The following CDH18 variants were observed in gnomAD, a reference collection of about 807,000 sequenced individuals.
CDH18 encodes cadherin-18.
A neutral mutation model predicts 67.9 loss-of-function variants in CDH18; 31 were observed. That is an observed-to-expected ratio of 0.46 (90% confidence interval 0.34 to 0.62). The LOEUF is 0.62. Ranked by LOEUF, CDH18 falls within the 20% of genes least tolerant of loss-of-function variation. The pLI, the probability that CDH18 is intolerant of heterozygous loss-of-function variation, is 0.01. For missense variants in CDH18, 890 were observed against 975.5 expected, an observed-to-expected ratio of 0.91 and a Z score of 1.17; for synonymous variants, 362 against 347.2, an observed-to-expected ratio of 1.04 and a Z score of -0.48.
rs747677549 is a variant in CDH18, at chr5:19,571,751, A to C, written c.1081T>G (p.Leu361Val). The C allele has an allele frequency of 5.9e-5, 96 of 1,613,864 alleles. No homozygotes were observed. Among genetic ancestry groups the C allele is most frequent in the Non-Finnish European group, 7.5e-5 (88 of 1,179,904 alleles). ...ATAGTAGCATCTTTAAAAGGACCCAAGTGAGAAAAGCGAAAATCAAGATGT... is the reference window on the plus strand; with the variant it reads ...ATAGTAGCATCTTTAAAAGGACCCACGTGAGAAAAGCGAAAATCAAGATGT... ...NTHLDFRFSH[L>V]GPFKDATMLK... The change falls in exon 8 of 13, where the codon TTG (leucine) becomes GTG (valine). Residue 361 changes from leucine (L) to valine (V), a missense_variant. By Grantham distance (32) the Leu-to-Val change is conservative. Coordinates refer to ENST00000382275, the MANE Select transcript of CDH18 (RefSeq NM_004934.5).
intron 1 of CDH18, among the ~76,000 whole-genome samples, chr5:20,526,152 G>A (rs1756043175): frequency 6.6e-6 from 1 of 152,078 alleles, no homozygotes; most frequent in African/African-American, 2.4e-5. Context: ...GGCAGATCGT[G>A]GCCAGACTCT....
At chr5:20,433,342 T>C (rs1341391978) in intron 1 of CDH18, among the ~76,000 whole-genome samples, 1 of 152,070 alleles carries the variant, frequency 6.6e-6, no homozygotes, top group Non-Finnish European at 1.5e-5. Flanking sequence ...ATCCAACTAC[T>C]GAATTTTTAT....
chr5:20,115,109 G>T (rs1384324480), intron 2 of CDH18, among the ~76,000 whole-genome samples: 1 of 151,768 alleles, frequency 6.6e-6, no homozygotes, highest in Non-Finnish European at 1.5e-5. Context: ...CAAGATCAAG[G>T]TGCTAGCCAA....
chr5:19,992,897 G>C (rs1016418079), upstream of CDH18, among the ~76,000 whole-genome samples: 9 of 152,102 alleles, frequency 5.9e-5, no homozygotes, highest in African/African-American at 2.2e-4. Flanking sequence ...ACAACTTTTG[G>C]GTGTTGCTAC....
intron 6 of CDH18, among the ~76,000 whole-genome samples, chr5:19,608,716 C>T (rs2150095454): frequency 6.6e-6 from 1 of 151,864 alleles, no homozygotes; most frequent in African/African-American, 2.4e-5. Flanking sequence ...TGGCAATTTA[C>T]TATCATTTAA....
chr5:19,547,765 A>T (rs566124443), intron 8 of CDH18, among the ~76,000 whole-genome samples: 28 of 152,274 alleles, frequency 1.8e-4, no homozygotes, highest in African/African-American at 6.7e-4. Flanking sequence ...CTCTCTAGGG[A>T]AATCAACATC....
chr5:20,375,834 G>A (rs1385324699), intron 1 of CDH18, among the ~76,000 whole-genome samples: 1 of 151,996 alleles, frequency 6.6e-6, no homozygotes, highest in African/African-American at 2.4e-5. Flanking sequence ...TGAGATTCAA[G>A]TACTCACTCG....
At chr5:19,514,019 C>T (rs976236640) in intron 10 of CDH18, among the ~76,000 whole-genome samples, 1 of 152,068 alleles carries the variant, frequency 6.6e-6, no homozygotes, top group Non-Finnish European at 1.5e-5. Flanking sequence ...ATGACAGGCC[C>T]CAGCGTGTGA....
chr5:19,490,181 G>A (rs1741171003), intron 11 of CDH18, among the ~76,000 whole-genome samples: 2 of 151,724 alleles, frequency 1.3e-5, no homozygotes, highest in South Asian at 4.2e-4. Context: ...GTTTTAACAA[G>A]TGAATGTATA....
At chr5:20,210,644 T>C (rs1740283531) in intron 2 of CDH18, among the ~76,000 whole-genome samples, 1 of 151,948 alleles carries the variant, frequency 6.6e-6, no homozygotes. Context: ...TTGGATTTTA[T>C]TTTATATCCG....
intron 1 of CDH18, among the ~76,000 whole-genome samples, chr5:20,535,859 A>T (rs1407763465): frequency 6.6e-6 from 1 of 152,084 alleles, no homozygotes; most frequent in African/African-American, 2.4e-5. Flanking sequence ...TTCATCCTGT[A>T]AATTTTAATC....
chr5:19,513,982 G>T, intron 10 of CDH18, among the ~76,000 whole-genome samples: 1 of 152,018 alleles, frequency 6.6e-6, no homozygotes, highest in Middle Eastern at 3.2e-3. Context: ...TTCTCTTAAT[G>T]CTATCCCTCC....
chr5:19,968,203 A>C (rs1386910222), intron 2 of CDH18, among the ~76,000 whole-genome samples: 1 of 152,164 alleles, frequency 6.6e-6, no homozygotes, highest in African/African-American at 2.4e-5. Flanking sequence ...GACACAAACA[A>C]ATGGAAAAAC....
chr5:19,743,718 C>G (rs574165220), intron 4 of CDH18, among the ~76,000 whole-genome samples: 1 of 152,152 alleles, frequency 6.6e-6, no homozygotes, highest in South Asian at 2.1e-4. Flanking sequence ...ACCAAGAGTT[C>G]AAGACCAGCC....
intron 1 of CDH18, among the ~76,000 whole-genome samples, chr5:20,337,187 A>G (rs922084942): frequency 1.3e-5 from 2 of 152,178 alleles, no homozygotes; most frequent in Admixed American, 6.5e-5. Flanking sequence ...GGTCTCTGCC[A>G]TGACCTAGAG....
At chr5:20,449,324 A>C (rs1750250410) in intron 1 of CDH18, among the ~76,000 whole-genome samples, 1 of 152,116 alleles carries the variant, frequency 6.6e-6, no homozygotes, top group East Asian at 1.9e-4. Context: ...TAAGTGCTGG[A>C]GTTTGAGAAT....
At chr5:19,511,428 G>C (rs572054178) in intron 10 of CDH18, among the ~76,000 whole-genome samples, 1 of 152,258 alleles carries the variant, frequency 6.6e-6, no homozygotes, top group South Asian at 2.1e-4. Context: ...GGTTGGAACA[G>C]TTTGGAGGGC....
chr5:19,671,924 CA>C (rs755651397), intron 5 of CDH18, among the ~76,000 whole-genome samples: 10 of 152,182 alleles, frequency 6.6e-5, no homozygotes, highest in South Asian at 2.1e-4. Context: ...ACCAGTGATG[CA>C]ACAAGAAATA....
At chr5:20,236,297 G>T (rs1371806547) in intron 2 of CDH18, among the ~76,000 whole-genome samples, 1 of 150,160 alleles carries the variant, frequency 6.7e-6, no homozygotes, top group East Asian at 1.9e-4. Context: ...AAAGCAGCTG[G>T]ATAAAATATA....
Sources: allele counts gnomAD v4.1 joint callset (sites outside exome capture counted in the v4.1 genomes callset), GRCh38; gene constraint gnomAD v4.1.1; transcripts MANE v1.5; gene names NCBI Gene and HGNC (gene_info 2026-07-23, HGNC 2026-07-21).